Variants in HIVEP1 observed in about 807,000 individuals in gnomAD.
HIVEP1 encodes the protein HIVEP zinc finger 1, also known as zinc finger protein 40.
A neutral mutation model predicts 180.0 loss-of-function variants in HIVEP1; 36 were observed. The observed-to-expected ratio is 0.20, with a 90% CI of 0.15 to 0.26. HIVEP1 has a LOEUF of 0.26. HIVEP1 is among the 10% of genes least tolerant of loss of function. The pLI, the probability that HIVEP1 is intolerant of heterozygous loss-of-function variation, is 1.00. For synonymous variants in HIVEP1, 1,239 were observed against 1,239.0 expected, an observed-to-expected ratio of 1.00 and a Z score of 0.00; for missense variants, 3,143 against 3,268.7, an observed-to-expected ratio of 0.96 and a Z score of 0.94.
chr6:12,039,733 C>T (rs1418800548), intron 2 of HIVEP1, among the ~76,000 whole-genome samples: 1 of 152,146 alleles, frequency 6.6e-6, no homozygotes, highest in African/African-American at 2.4e-5. Flanking sequence ...GAAGGGGTGT[C>T]AGGTTGCTGT....
intron 3 of HIVEP1, among the ~76,000 whole-genome samples, chr6:12,112,720 C>T (rs75030779): frequency 6.6e-6 from 1 of 152,226 alleles, no homozygotes; most frequent in East Asian, 1.9e-4. Flanking sequence ...TGCTGCTTCC[C>T]CCACAGGGCT....
intron 3 of HIVEP1, among the ~76,000 whole-genome samples, chr6:12,104,479 G>T: frequency 8.1e-6 from 1 of 124,048 alleles, no homozygotes. Flanking sequence ...AGTCATCCAG[G>T]CTGATATAAG....
Position 12,123,221 on chromosome 6 carries a change from G to C in HIVEP1, c.3426G>C (p.Leu1142=). 1 of 1,614,166 alleles carries C rather than the reference G, an allele frequency of 6.2e-7. No individual in the cohort carries two copies. Among genetic ancestry groups the C allele is most frequent in the Non-Finnish European group, 8.5e-7 (1 of 1,180,042 alleles). ...CTGTCATCCAGCACACCAACTCCCTGAGCAGGCCCAACTCATTTGACAAGC... is the reference window on the plus strand; with the variant it reads ...CTGTCATCCAGCACACCAACTCCCTCAGCAGGCCCAACTCATTTGACAAGC... ...GISVIQHTNS[L]SRPNSFDKPE... is the part of the protein sequence containing the mutation. Residue 1142 remains leucine (L), a synonymous_variant, in exon 4 of 9, where the codon CTG becomes CTC. Transcript: ENST00000379388.
chr6:12,074,647 C>CGT (rs1772228559), intron 2 of HIVEP1, among the ~76,000 whole-genome samples: 2 of 88,160 alleles, frequency 2.3e-5, no homozygotes, highest in Non-Finnish European at 5.6e-5. Flanking sequence ...TGTGTGTGCG[C>CGT]GCGCGTGCAT....
intron 3 of HIVEP1, among the ~76,000 whole-genome samples, chr6:12,103,351 A>C (rs1774223282): frequency 6.6e-6 from 1 of 152,168 alleles, no homozygotes; most frequent in African/African-American, 2.4e-5. Context: ...ATGAAGGCTC[A>C]ATAATAGAAC....
rs150774694 is a variant in HIVEP1 at position 12,145,822 on chromosome 6, C to T, written c.6487+9930C>T. Among the ~76,000 whole-genome samples the T allele has an allele frequency of 2.0e-3, 310 of 152,220 alleles. 2 individuals carry two copies. Among genetic ancestry groups the T allele is most frequent in the Non-Finnish European group, 3.3e-3 (225 of 68,022 alleles). On this transcript the variant is annotated intron_variant, in intron 7 of 8. Coordinates refer to ENST00000379388, the MANE Select transcript of HIVEP1 (RefSeq NM_002114.4). ...AAGGGCAAAGATGATGTTTTGCTTG[C>T]TGCTGTATCTTCAGCTCCTTAGGAT...
the HIVEP1 span, among the ~76,000 whole-genome samples, chr6:12,208,058 G>A: frequency 1.3e-5 from 2 of 152,112 alleles, no homozygotes; most frequent in African/African-American, 4.8e-5. Flanking sequence ...AGTATAGACA[G>A]TTTACTTCTT....
chr6:12,200,513 C>T, the HIVEP1 span, among the ~76,000 whole-genome samples: 1 of 152,206 alleles, frequency 6.6e-6, no homozygotes, highest in Non-Finnish European at 1.5e-5. Flanking sequence ...CTAAGCTCCA[C>T]TTTGGGGCTT....
At chr6:12,202,765 A>G in the HIVEP1 span, among the ~76,000 whole-genome samples, 2 of 152,144 alleles carry the variant, frequency 1.3e-5, no homozygotes, top group Admixed American at 6.6e-5. Context: ...CTCAAACACT[A>G]TGGGTGCTGG....
intron 3 of HIVEP1, among the ~76,000 whole-genome samples, chr6:12,098,595 ATATAT>A (rs1409841664): frequency 6.6e-6 from 1 of 152,216 alleles, no homozygotes; most frequent in African/African-American, 2.4e-5. Context: ...ATAAGCTTGT[ATATAT>A]TTTGCCTACG....
intron 7 of HIVEP1, among the ~76,000 whole-genome samples, chr6:12,138,349 T>C (rs187141271): frequency 6.6e-6 from 1 of 152,338 alleles, no homozygotes; most frequent in Admixed American, 6.5e-5. Flanking sequence ...ATTACTAAGA[T>C]TGGGTCTCAT....
At chr6:12,192,602 G>A in the HIVEP1 span, among the ~76,000 whole-genome samples, 1 of 152,090 alleles carries the variant, frequency 6.6e-6, no homozygotes, top group Non-Finnish European at 1.5e-5. Flanking sequence ...TGGTTTAAAA[G>A]TGTGTGGCAC....
chr6:12,045,833 C>G (rs559155405), intron 2 of HIVEP1, among the ~76,000 whole-genome samples: 1 of 152,260 alleles, frequency 6.6e-6, no homozygotes, highest in Admixed American at 6.5e-5. Flanking sequence ...GTGGTGAATA[C>G]GTGCCTAATA....
At chr6:12,150,575 A>G (rs967845215) in intron 7 of HIVEP1, among the ~76,000 whole-genome samples, 5 of 152,322 alleles carry the variant, frequency 3.3e-5, no homozygotes, top group East Asian at 1.9e-4. Flanking sequence ...ATATATTATC[A>G]TCGGGATTTT....
At chr6:12,027,445 C>T (rs553101347) in intron 2 of HIVEP1, among the ~76,000 whole-genome samples, 3 of 152,288 alleles carry the variant, frequency 2.0e-5, no homozygotes, top group South Asian at 2.1e-4. Flanking sequence ...TTTTCTGATA[C>T]CAAGGTCATG....
chr6:12,054,746 T>C (rs1285545579), intron 2 of HIVEP1, among the ~76,000 whole-genome samples: 2 of 152,240 alleles, frequency 1.3e-5, no homozygotes, highest in African/African-American at 4.8e-5. Flanking sequence ...CTGATTAACA[T>C]ACATGATTTC....
At position 12,161,457 on chromosome 6, in the gene HIVEP1, G is replaced by C; in HGVS notation, c.6506G>C (p.Ser2169Thr). The change falls in exon 8 of 9, where the codon AGT (serine) becomes ACT (threonine). Residue 2169 changes from serine (S) to threonine (T), a missense_variant. By Grantham distance (58) the Ser-to-Thr change is moderately conservative (BLOSUM62 1). This residue lies in a region of HIVEP1 where 126 missense variants were observed against 168.5 expected (regional missense o/e 0.75). Transcript: ENST00000379388. ...TTATTAGATGAAAAACAGAGATTCA[G>C]TTATGAGCGATCTGGATATGATCTT... ...TEESDEKQRF[S>T]YERSGYDLEE... is the part of the protein sequence containing the mutation. The C allele has an allele frequency of 6.2e-7, 1 of 1,613,118 alleles. No homozygotes were observed. The highest frequency in any genetic ancestry group is 8.5e-7 in the Non-Finnish European group (1 of 1,179,184).
chr6:12,090,878 A>G (rs895963849), intron 3 of HIVEP1, among the ~76,000 whole-genome samples: 4 of 151,658 alleles, frequency 2.6e-5, no homozygotes, highest in African/African-American at 9.7e-5. Flanking sequence ...GCCTGATAGG[A>G]AGGAGGAAAT....
At chr6:12,034,196 T>C (rs1315221181) in intron 2 of HIVEP1, among the ~76,000 whole-genome samples, 1 of 152,242 alleles carries the variant, frequency 6.6e-6, no homozygotes, top group Non-Finnish European at 1.5e-5. Context: ...CAAGAAGTTA[T>C]GTATGTATGC....
Sources: gnomAD v4.1 joint callset for allele counts (sites outside exome capture counted in the v4.1 genomes callset) on GRCh38, gnomAD v4.1.1 for gene constraint, gnomAD v4.1.1 regional missense constraint, MANE v1.5 for transcripts, NCBI Gene and HGNC (gene_info 2026-07-23, HGNC 2026-07-21) for gene names.